The following ALG14 variants were observed in gnomAD, a reference collection of about 807,000 sequenced individuals.
ALG14 encodes the protein UDP-N-acetylglucosamine transferase subunit ALG14.
Under a neutral mutation model 22.8 loss-of-function variants are expected in ALG14, and 17 were observed. The ratio of observed to expected loss-of-function variants is 0.75; its 90% CI spans 0.51 to 1.12. The LOEUF is 1.12. Ranked by LOEUF, ALG14 falls within the 50% of genes most tolerant of loss-of-function variation. ALG14 has a pLI of 0.00. For synonymous variants in ALG14, 89 were observed against 103.7 expected (o/e 0.86, Z 0.86); for missense variants, 288 against 271.8 (o/e 1.06, Z -0.42).
At position 94,983,024 on chromosome 1, in the gene ALG14, G is replaced by A. The variant is rs1279173114; in HGVS notation, c.*52C>T. ...TGTAGGGTTTTTTTCCCCCCAATTT[G>A]AGTACATACTACTGTTAACTGCAAA... On this transcript the variant is annotated 3_prime_UTR_variant, in exon 4 of 4. Transcript: ENST00000370205. The A allele has an allele frequency of 8.7e-6, 13 of 1,494,524 alleles. No homozygotes were observed. Among genetic ancestry groups the A allele is most frequent in the Non-Finnish European group, 1.2e-5 (13 of 1,075,512 alleles). 92.6% of individuals were successfully genotyped at this position (1,494,524 alleles called of 1,614,324 possible). A position where few individuals can be genotyped will look rare whatever the true frequency, so the allele number is the denominator to read the frequency against.
chr1:95,011,788 T>C (rs1000227578), intron 3 of ALG14, among the ~76,000 whole-genome samples: 4 of 152,220 alleles, frequency 2.6e-5, no homozygotes, highest in Admixed American at 1.3e-4. Flanking sequence ...GAGACTTCCA[T>C]ATAGAACAGG....
In ALG14 at chr1:94,978,518, G is replaced by GT. The variant is rs1220334071; in HGVS notation, c.*4557dup. 6.6e-6 allele frequency: 1 copy of GT among 152,168 alleles called. No homozygotes were observed. The highest frequency in any genetic ancestry group is 1.9e-4 in the East Asian group (1 of 5,198). 9.4% of individuals were successfully genotyped at this position (152,168 alleles called of 1,614,324 possible). A position where few individuals can be genotyped will look rare whatever the true frequency, so the allele number is the denominator to read the frequency against. ...AGCATTCATTATTCCTTCCACAGGTGTTTCTAAGAACAAGGACTGCAATTC... is the reference window on the plus strand; with the variant it reads ...AGCATTCATTATTCCTTCCACAGGTGTTTTCTAAGAACAAGGACTGCAATTC... On this transcript the variant is annotated 3_prime_UTR_variant, in exon 4 of 4. Transcript: ENST00000370205.
intron 2 of ALG14, among the ~76,000 whole-genome samples, chr1:95,051,859 C>T (rs894170828): frequency 6.6e-6 from 1 of 152,190 alleles, no homozygotes; most frequent in East Asian, 1.9e-4. Flanking sequence ...TTACAACCCC[C>T]CTTTAACCCT....
At chr1:95,023,990 T>C (rs1286604893) in intron 3 of ALG14, among the ~76,000 whole-genome samples, 1 of 152,246 alleles carries the variant, frequency 6.6e-6, no homozygotes, top group Non-Finnish European at 1.5e-5. Context: ...AAGAACTTTA[T>C]AGATCTTTTT....
chr1:94,990,928 TTA>T (rs904060152), intron 3 of ALG14, among the ~76,000 whole-genome samples: 2 of 152,248 alleles, frequency 1.3e-5, no homozygotes, highest in African/African-American at 4.8e-5. Context: ...GCTCTATCGA[TTA>T]TTCTGGTCTG....
At chr1:95,051,065 T>A (rs1049831218) in intron 2 of ALG14, among the ~76,000 whole-genome samples, 2 of 152,058 alleles carry the variant, frequency 1.3e-5, no homozygotes, top group Non-Finnish European at 2.9e-5. Context: ...TTTCTTGTTT[T>A]ACCTACCATC....
chr1:95,010,024 T>C (rs1202585889), intron 3 of ALG14, among the ~76,000 whole-genome samples: 4 of 152,186 alleles, frequency 2.6e-5, no homozygotes, highest in African/African-American at 9.6e-5. Flanking sequence ...TAATTACAGA[T>C]AGCAATGATA....
intron 2 of ALG14, among the ~76,000 whole-genome samples, chr1:95,053,844 G>C (rs1181670013): frequency 6.6e-6 from 1 of 152,128 alleles, no homozygotes; most frequent in Non-Finnish European, 1.5e-5. Flanking sequence ...ACAAACAATG[G>C]GGAATATAAT....
At position 94,982,770 on chromosome 1, in the gene ALG14, T is replaced by A; in HGVS notation, c.*306A>T. ...TAATCATACAAACTCTATATTTAGT[T>A]CTGTAAAAAAAATACTACTAAAACA... is the stretch of plus-strand genomic sequence containing the variant. On this transcript the variant is annotated 3_prime_UTR_variant, in exon 4 of 4. Coordinates refer to ENST00000370205, the MANE Select transcript of ALG14 (RefSeq NM_144988.4). 1 of 248,688 alleles carries A rather than the reference T, an allele frequency of 4.0e-6. No individual in the cohort carries two copies. Among genetic ancestry groups the A allele is most frequent in the Non-Finnish European group, 7.7e-6 (1 of 130,144 alleles). The allele number at this position is 248,688 out of a possible 1,614,324, so 15.4% of individuals were successfully genotyped here. A position where few individuals can be genotyped will look rare whatever the true frequency, so the allele number is the denominator to read the frequency against.
At chr1:95,014,755 A>G (rs1173926626) in intron 3 of ALG14, among the ~76,000 whole-genome samples, 1 of 152,258 alleles carries the variant, frequency 6.6e-6, no homozygotes, top group Non-Finnish European at 1.5e-5. Context: ...ATGGCTAAAT[A>G]ACTTCAAAGA....
chr1:95,072,433 T>C lies in ALG14; in HGVS notation c.136+330A>G, dbSNP rs148196387. Among the ~76,000 whole-genome samples the C allele has an allele frequency of 2.0e-4, 30 of 152,368 alleles. No homozygotes were observed. In the East Asian group the frequency reaches 5.8e-3, roughly 29 times the overall value. ...ACTAAATACGCAATACCTAGATTAA[T>C]AATGCACAACAGCCATACGGGGAAA... On this transcript the variant is annotated intron_variant, in intron 1 of 3. Coordinates refer to ENST00000370205, the MANE Select transcript of ALG14 (RefSeq NM_144988.4).
chr1:95,033,049 A>G (rs1674061984), intron 2 of ALG14, among the ~76,000 whole-genome samples: 2 of 152,200 alleles, frequency 1.3e-5, no homozygotes, highest in African/African-American at 4.8e-5. Flanking sequence ...GCCAGGAATT[A>G]CCTAGGGGTT....
chr1:95,072,658 G>GCAA, intron 1 of ALG14, 105 bp downstream of exon 1: 1 of 1,467,854 alleles, frequency 6.8e-7, no homozygotes, highest in Non-Finnish European at 9.3e-7. Flanking sequence ...ATCTCTGCAT[G>GCAA]CAACACTCCA....
intron 2 of ALG14, among the ~76,000 whole-genome samples, chr1:95,037,511 G>A (rs1237039609): frequency 6.6e-6 from 1 of 152,154 alleles, no homozygotes; most frequent in Non-Finnish European, 1.5e-5. Context: ...AGCTGCTGGA[G>A]GCAGCACTGT....
chr1:95,036,234 C>A (rs769307805), intron 2 of ALG14, among the ~76,000 whole-genome samples: 38 of 151,986 alleles, frequency 2.5e-4, no homozygotes, highest in Non-Finnish European at 4.9e-4. Context: ...ATAATTGAAT[C>A]ATGGGGGCAG....
At chr1:95,031,406 C>A (rs150064491) in intron 2 of ALG14, among the ~76,000 whole-genome samples, 2 of 152,166 alleles carry the variant, frequency 1.3e-5, no homozygotes, top group Non-Finnish European at 2.9e-5. Context: ...ATGACTGGCA[C>A]GGGACAGGAG....
chr1:95,064,094 G>A (rs1224838829), intron 2 of ALG14, among the ~76,000 whole-genome samples: 1 of 152,140 alleles, frequency 6.6e-6, no homozygotes, highest in Non-Finnish European at 1.5e-5. Context: ...CCTGTTGTTG[G>A]TGTATAGGAA....
At chr1:95,040,169 C>G (rs1674334923) in intron 2 of ALG14, among the ~76,000 whole-genome samples, 1 of 117,818 alleles carries the variant, frequency 8.5e-6, no homozygotes, top group African/African-American at 3.9e-5. Flanking sequence ...GAGACCCTGT[C>G]TCAAAATAAA....
chr1:95,063,506 C>T (rs12138409), intron 2 of ALG14, among the ~76,000 whole-genome samples: 2,667 of 152,296 alleles, frequency 0.018, 43 homozygotes, highest in Middle Eastern at 0.034. Context: ...CAATTTTCTG[C>T]ATATGGCTAG....
Sources: gnomAD v4.1 joint callset for allele counts (sites outside exome capture counted in the v4.1 genomes callset) on GRCh38, gnomAD v4.1.1 for gene constraint, MANE v1.5 for transcripts, NCBI Gene and HGNC (gene_info 2026-07-23, HGNC 2026-07-21) for gene names.